The following PLXNA4 variants were observed in gnomAD, a reference collection of about 807,000 sequenced individuals.
The protein encoded by PLXNA4 is plexin A4, also known as plexin-A4.
PLXNA4 carries 44 observed loss-of-function variants against 191.8 expected under a neutral mutation model. The ratio of observed to expected loss-of-function variants is 0.23; its 90% CI spans 0.18 to 0.29. The LOEUF is 0.29. Ranked by LOEUF, PLXNA4 falls within the 10% of genes least tolerant of loss-of-function variation. The pLI is 1.00. For missense variants in PLXNA4, 1,800 were observed against 2,488.8 expected (o/e 0.72, Z 5.89); for synonymous variants, 1,082 against 1,009.5 (o/e 1.07, Z -1.36).
intron 3 of PLXNA4, among the ~76,000 whole-genome samples, chr7:132,357,547 C>A (rs1338730341): frequency 6.6e-6 from 1 of 152,156 alleles, no homozygotes; most frequent in East Asian, 1.9e-4. Flanking sequence ...GACCAAGATG[C>A]CAAAATACCT....
At chr7:132,590,683 G>A (rs533292019) in intron 2 of PLXNA4, among the ~76,000 whole-genome samples, 2 of 152,244 alleles carry the variant, frequency 1.3e-5, no homozygotes, top group African/African-American at 4.8e-5. Flanking sequence ...CTGATTAGCT[G>A]GTACCCACGC....
At chr7:132,374,092 G>C (rs1433388) in intron 3 of PLXNA4, among the ~76,000 whole-genome samples, 69,581 of 152,000 alleles carry the variant, frequency 0.46, 18,488 homozygotes, top group African/African-American at 0.74. Context: ...TGACCTGCAC[G>C]AAGTGAAGAT....
At chr7:132,146,129 G>A (rs1010781469) in intron 28 of PLXNA4, among the ~76,000 whole-genome samples, 3 of 150,460 alleles carry the variant, frequency 2.0e-5, no homozygotes, top group Non-Finnish European at 3.0e-5. Flanking sequence ...CTGGGAAGTC[G>A]TGATGGAGCC....
At chr7:132,247,110 C>A (rs190102319) in intron 4 of PLXNA4, among the ~76,000 whole-genome samples, 1 of 152,192 alleles carries the variant, frequency 6.6e-6, no homozygotes, top group Non-Finnish European at 1.5e-5. Context: ...TCGAAAGATG[C>A]TTTCCTCTGG....
chr7:132,410,910 G>A (rs1290034489), intron 3 of PLXNA4, among the ~76,000 whole-genome samples: 2 of 152,118 alleles, frequency 1.3e-5, no homozygotes, highest in Non-Finnish European at 1.5e-5. Flanking sequence ...CCTCAGACGT[G>A]AGCCCCAGGA....
At chr7:132,647,355 A>G (rs1376669222) in intron 1 of PLXNA4, among the ~76,000 whole-genome samples, 1 of 152,082 alleles carries the variant, frequency 6.6e-6, no homozygotes, top group South Asian at 2.1e-4. Context: ...TCACACATAC[A>G]CTGACATACA....
chr7:132,275,169 CTCTTT>C (rs1188980384), intron 4 of PLXNA4, among the ~76,000 whole-genome samples: 1 of 151,968 alleles, frequency 6.6e-6, no homozygotes, highest in African/African-American at 2.4e-5. Flanking sequence ...AAGATTTTTC[CTCTTT>C]TCTTCCACAT....
At chr7:132,206,258 A>T (rs928176710) in intron 10 of PLXNA4, among the ~76,000 whole-genome samples, 28 of 152,206 alleles carry the variant, frequency 1.8e-4, no homozygotes, top group Non-Finnish European at 4.1e-4. Context: ...TAAGCGCTCA[A>T]ATGTGATTGC....
chr7:132,488,381 G>A (rs146110107), intron 3 of PLXNA4, among the ~76,000 whole-genome samples: 9 of 152,308 alleles, frequency 5.9e-5, no homozygotes, highest in Admixed American at 1.3e-4. Context: ...AGGGATTAAG[G>A]CTTAGTCTCA....
chr7:132,386,149 C>A (rs1271954745), intron 3 of PLXNA4, among the ~76,000 whole-genome samples: 1 of 152,114 alleles, frequency 6.6e-6, no homozygotes, highest in South Asian at 2.1e-4. Context: ...AGCTGCCCAG[C>A]ATTGAAACAA....
In PLXNA4 at chr7:132,146,780, C is replaced by T. The variant is rs570346656; in HGVS notation, c.4865-80G>A. ...ATCACTTACCATGCATCCCTTGCTC[C>T]GGCAGAAGCCAACGACTGTCTGATC... On this transcript the variant is annotated intron_variant, in intron 27 of 31. Transcript: ENST00000321063. 42 of 1,568,768 alleles carry T rather than the reference C, an allele frequency of 2.7e-5. No individual in the cohort carries two copies. In the East Asian group the frequency reaches 4.3e-4, roughly 16 times the overall value.
intron 3 of PLXNA4, among the ~76,000 whole-genome samples, chr7:132,349,729 C>T (rs1475462304): frequency 6.6e-6 from 1 of 152,134 alleles, no homozygotes; most frequent in East Asian, 1.9e-4. Context: ...GATAACCCCT[C>T]TTATATTGAG....
At chr7:132,270,182 T>A (rs1345649127) in intron 4 of PLXNA4, among the ~76,000 whole-genome samples, 1 of 152,216 alleles carries the variant, frequency 6.6e-6, no homozygotes, top group Non-Finnish European at 1.5e-5. Flanking sequence ...TTAATTTCCA[T>A]ACCACGTATG....
chr7:132,539,076 G>T (rs919223384), intron 1 of PLXNA4, among the ~76,000 whole-genome samples: 1 of 152,072 alleles, frequency 6.6e-6, no homozygotes, highest in Non-Finnish European at 1.5e-5. Context: ...CACCCTCCTT[G>T]CTCTTCTCTC....
chr7:132,138,918 G>A (rs1012834188), intron 30 of PLXNA4, among the ~76,000 whole-genome samples: 12 of 152,152 alleles, frequency 7.9e-5, no homozygotes, highest in African/African-American at 2.7e-4. Context: ...CCCCTTCCCC[G>A]CCTGGGGCAC....
intron 1 of PLXNA4, among the ~76,000 whole-genome samples, chr7:132,575,697 TC>T (rs1200254331): frequency 1.3e-5 from 2 of 152,226 alleles, no homozygotes; most frequent in Non-Finnish European, 2.9e-5. Context: ...CCCCGTACCT[TC>T]CCTAGACAAG....
intron 3 of PLXNA4, among the ~76,000 whole-genome samples, chr7:132,325,714 T>C (rs1802331156): frequency 6.6e-6 from 1 of 152,132 alleles, no homozygotes; most frequent in African/African-American, 2.4e-5. Context: ...AATTTCAGAC[T>C]TCTAGCCTCC....
At chr7:132,230,926 A>C (rs1798503582) in intron 5 of PLXNA4, among the ~76,000 whole-genome samples, 1 of 152,214 alleles carries the variant, frequency 6.6e-6, no homozygotes, top group South Asian at 2.1e-4. Flanking sequence ...ACAGGACTCT[A>C]TCTCTCTTCC....
chr7:132,318,044 T>A (rs1168875393), intron 3 of PLXNA4, among the ~76,000 whole-genome samples: 1 of 152,098 alleles, frequency 6.6e-6, no homozygotes, highest in East Asian at 1.9e-4. Context: ...AGTAACCCGG[T>A]CAAAGAAACT....
Sources: allele counts gnomAD v4.1 joint callset (sites outside exome capture counted in the v4.1 genomes callset), GRCh38; gene constraint gnomAD v4.1.1; transcripts MANE v1.5; gene names NCBI Gene and HGNC (gene_info 2026-07-23, HGNC 2026-07-21).